ANKRD44: variants seen among roughly 807,000 people sequenced by gnomAD.
The protein encoded by ANKRD44 is serine/threonine-protein phosphatase 6 regulatory ankyrin repeat subunit B.
Under a neutral mutation model 116.0 loss-of-function variants are expected in ANKRD44, and 35 were observed. That is an observed-to-expected ratio of 0.30 (90% CI 0.23 to 0.40). ANKRD44 has a LOEUF of 0.40. ANKRD44 is among the 10% of genes least tolerant of loss of function. The pLI, the probability that ANKRD44 is intolerant of heterozygous loss-of-function variation, is 1.00. For missense variants in ANKRD44, 1,014 were observed against 1,242.6 expected (o/e 0.82, Z 2.77); for synonymous variants, 435 against 461.8 (o/e 0.94, Z 0.74).
At chr2:197,288,610 G>C (rs1018801339) in intron 1 of ANKRD44, among the ~76,000 whole-genome samples, 4 of 110,218 alleles carry the variant, frequency 3.6e-5, no homozygotes, top group East Asian at 5.7e-4. Context: ...AATGGATAAA[G>C]AAAATGTGAT....
At chr2:197,099,598 T>G in intron 10 of ANKRD44, 1 of 1,252,696 alleles carries the variant, frequency 8.0e-7, no homozygotes, top group Non-Finnish European at 1.0e-6. Context: ...ACCACTGAAA[T>G]AGACCTCATT....
intron 16 of ANKRD44, among the ~76,000 whole-genome samples, chr2:197,070,349 T>C (rs2077533262): frequency 6.6e-6 from 1 of 152,186 alleles, no homozygotes; most frequent in South Asian, 2.1e-4. Flanking sequence ...CTGTTCTTTA[T>C]CAAGTTGTTA....
chr2:197,018,582 C>T (rs1220011061), intron 17 of ANKRD44, among the ~76,000 whole-genome samples: 1 of 152,172 alleles, frequency 6.6e-6, no homozygotes, highest in Non-Finnish European at 1.5e-5. Context: ...ATCCTGCTTT[C>T]TTCTGCTTCA....
intron 1 of ANKRD44, among the ~76,000 whole-genome samples, chr2:197,207,058 T>C (rs1179764439): frequency 6.6e-6 from 1 of 152,204 alleles, no homozygotes; most frequent in Non-Finnish European, 1.5e-5. Flanking sequence ...ATTAGGAACA[T>C]TCTCAAAAAC....
In ANKRD44 at chr2:197,090,077, G is replaced by C. The variant is rs780247533; in HGVS notation, c.1101-45C>G. 4 of 1,426,934 alleles carry C rather than the reference G, an allele frequency of 2.8e-6. No homozygotes were observed. The Admixed American group carries it at 6.7e-5, about 24-fold the overall frequency. The allele number at this position is 1,426,934 out of a possible 1,614,324, so 88.4% of individuals were successfully genotyped here. A position where few individuals can be genotyped will look rare whatever the true frequency, so the allele number is the denominator to read the frequency against. On this transcript the variant is annotated intron_variant, in intron 10 of 27. Coordinates refer to ENST00000282272, the MANE Select transcript of ANKRD44 (RefSeq NM_001195144.2). Reference sequence around the variant, plus strand: ...AGCAACTCACGGCAACAGATCTCAAGATACATGCGGAAGGACAATTACCTT... The same window carrying C: ...AGCAACTCACGGCAACAGATCTCAACATACATGCGGAAGGACAATTACCTT...
chr2:197,011,509 G>T (rs1463235844), intron 18 of ANKRD44, among the ~76,000 whole-genome samples: 2 of 147,940 alleles, frequency 1.4e-5, no homozygotes, highest in African/African-American at 5.0e-5. Flanking sequence ...GTCTAGCTCT[G>T]TTGCCCAGGC....
intron 17 of ANKRD44, among the ~76,000 whole-genome samples, chr2:197,021,798 T>C (rs1001595537): frequency 1.3e-5 from 2 of 152,202 alleles, no homozygotes; most frequent in Non-Finnish European, 2.9e-5. Context: ...AAGACAACTT[T>C]TTATAAACAA....
At position 197,060,417 on chromosome 2, in the gene ANKRD44, T is replaced by C. The variant is rs142091830; in HGVS notation, c.1650+18286A>G. On this transcript the variant is annotated intron_variant, in intron 16 of 27. Coordinates refer to ENST00000282272, the MANE Select transcript of ANKRD44 (RefSeq NM_001195144.2). Reference sequence around the variant, plus strand: ...TGAGGAGTAACTGACAAGAAAAAATTGCATGTATTTAAGGTGTACAATGTG... The same window carrying C: ...TGAGGAGTAACTGACAAGAAAAAATCGCATGTATTTAAGGTGTACAATGTG... 4.6e-3 allele frequency among the ~76,000 whole-genome samples: 694 copies of C among 152,310 alleles called. 2 individuals carry two copies. The highest frequency in any genetic ancestry group is 7.8e-3 in the Non-Finnish European group (532 of 68,020).
chr2:197,167,250 T>C (rs1053041552), intron 2 of ANKRD44, among the ~76,000 whole-genome samples: 1 of 152,094 alleles, frequency 6.6e-6, no homozygotes, highest in African/African-American at 2.4e-5. Flanking sequence ...TTTGAACACA[T>C]ACATTTTTAT....
chr2:197,141,292 A>C (rs2079360303), intron 3 of ANKRD44, among the ~76,000 whole-genome samples: 1 of 152,212 alleles, frequency 6.6e-6, no homozygotes, highest in Non-Finnish European at 1.5e-5. Context: ...GTCTAACAAT[A>C]AGGTTAGACA....
chr2:197,009,291 C>A (rs2076254739), intron 18 of ANKRD44, among the ~76,000 whole-genome samples: 1 of 151,690 alleles, frequency 6.6e-6, no homozygotes, highest in Non-Finnish European at 1.5e-5. Flanking sequence ...AGGGTCTCAC[C>A]ATCTTGGCCA....
intron 1 of ANKRD44, among the ~76,000 whole-genome samples, chr2:197,200,258 T>C (rs575203282): frequency 2.6e-5 from 4 of 152,220 alleles, no homozygotes; most frequent in African/African-American, 9.6e-5. Flanking sequence ...GCCTTCTTGA[T>C]TCAGAAAAGG....
At chr2:197,075,904 C>T (rs532907821) in intron 16 of ANKRD44, among the ~76,000 whole-genome samples, 5 of 152,238 alleles carry the variant, frequency 3.3e-5, no homozygotes, top group African/African-American at 1.2e-4. Context: ...TATGTATAAT[C>T]ACTGTAATTG....
chr2:197,110,936 C>T (rs2078550556), intron 8 of ANKRD44, 92 bp from the exon 9 acceptor site: 1 of 845,040 alleles, frequency 1.2e-6, no homozygotes, highest in Non-Finnish European at 2.0e-6. Flanking sequence ...CCTAATAATG[C>T]CCTGAAAACA....
At chr2:197,032,312 C>G (rs1265646126) in intron 16 of ANKRD44, among the ~76,000 whole-genome samples, 2 of 151,636 alleles carry the variant, frequency 1.3e-5, no homozygotes, top group Non-Finnish European at 2.9e-5. Context: ...TGCGGGATTT[C>G]TAAACTGTGA....
chr2:197,169,832 T>C (rs1304510740), intron 2 of ANKRD44, among the ~76,000 whole-genome samples: 2 of 151,912 alleles, frequency 1.3e-5, no homozygotes, highest in East Asian at 3.9e-4. Context: ...TCTAGAGCAG[T>C]ATGTCTCGAG....
chr2:197,087,931 C>A (rs1429933825), intron 12 of ANKRD44, among the ~76,000 whole-genome samples: 1 of 152,058 alleles, frequency 6.6e-6, no homozygotes. Context: ...AAATAAGGAG[C>A]CCTAAAGTGT....
chr2:197,198,749 T>C lies in ANKRD44; in HGVS notation c.28-11643A>G, dbSNP rs529793001. Among the ~76,000 whole-genome samples the C allele has an allele frequency of 1.1e-4, 16 of 152,120 alleles. No individual in the cohort carries two copies. In the South Asian group the frequency reaches 2.7e-3, roughly 26 times the overall value. On this transcript the variant is annotated intron_variant, in intron 1 of 27. Coordinates refer to ENST00000282272, the MANE Select transcript of ANKRD44 (RefSeq NM_001195144.2). The stretch of plus-strand genomic sequence containing the variant: ...TGGAGGTTGCAGTGAGCTGAAATCG[T>C]GCTACTGCACTCCAGCCTGGGCGAC...
At chr2:197,161,921 C>T (rs535190223) in intron 2 of ANKRD44, among the ~76,000 whole-genome samples, 5 of 152,304 alleles carry the variant, frequency 3.3e-5, no homozygotes, top group African/African-American at 1.2e-4. Context: ...CCAGGCATAT[C>T]TCTCTAGCAC....
Sources: allele counts gnomAD v4.1 joint callset (sites outside exome capture counted in the v4.1 genomes callset), GRCh38; gene constraint gnomAD v4.1.1; transcripts MANE v1.5; gene names NCBI Gene and HGNC (gene_info 2026-07-23, HGNC 2026-07-21).